Variants in COL14A1 observed in about 807,000 individuals in gnomAD.
The protein encoded by COL14A1 is collagen type XIV alpha 1 chain.
In COL14A1, 136 loss-of-function variants were observed where a neutral mutation model predicts 230.3. The observed-to-expected ratio is 0.59, with a 90% CI of 0.51 to 0.68. The LOEUF is 0.68. COL14A1 is among the 30% of genes least tolerant of loss of function. The pLI is 0.00. For synonymous variants in COL14A1, 792 were observed against 784.1 expected, an observed-to-expected ratio of 1.01 and a Z score of -0.17; for missense variants, 1,976 against 2,215.8, an observed-to-expected ratio of 0.89 and a Z score of 2.17.
intron 3 of COL14A1, among the ~76,000 whole-genome samples, chr8:120,159,721 G>A (rs778063767): frequency 2.0e-5 from 3 of 151,824 alleles, no homozygotes; most frequent in Non-Finnish European, 4.4e-5. Flanking sequence ...ACTGAGTTTC[G>A]CTCTTTGTTG....
At chr8:120,295,391 C>T (rs528267178) in intron 34 of COL14A1, among the ~76,000 whole-genome samples, 50 of 151,692 alleles carry the variant, frequency 3.3e-4, no homozygotes, top group African/African-American at 8.5e-4. Flanking sequence ...TTTTCTTCCC[C>T]GGTCCTATTC....
At chr8:120,316,242 C>T (rs1418590232) in intron 40 of COL14A1, among the ~76,000 whole-genome samples, 1 of 152,184 alleles carries the variant, frequency 6.6e-6, no homozygotes, top group African/African-American at 2.4e-5. Flanking sequence ...TTTCCGAGTG[C>T]TCCCATGACC....
At chr8:120,316,043 TCA>T (rs1374044309) in intron 40 of COL14A1, 46 bp downstream of exon 40, 1 of 1,589,682 alleles carries the variant, frequency 6.3e-7, no homozygotes, top group East Asian at 2.2e-5. Context: ...AGTGACCTTT[TCA>T]CCAGGTCACT....
At position 120,369,491 on chromosome 8, in the gene COL14A1, T is replaced by TGAGAG; in HGVS notation, c.5311+7_5311+8insAGAGG. 2 of 1,545,446 alleles carry TGAGAG rather than the reference T, an allele frequency of 1.3e-6. No homozygotes were observed. Among genetic ancestry groups the TGAGAG allele is most frequent in the Non-Finnish European group, 1.8e-6 (2 of 1,142,620 alleles). ...TTCTGCCTATGGTGTGAGAGGTAAG[T>TGAGAG]GTCACAAAAAGCCCCGCTTGTGGGC... On this transcript the variant is annotated splice_region_variant and intron_variant, in intron 47 of 47. Coordinates refer to ENST00000297848, the MANE Select transcript of COL14A1 (RefSeq NM_021110.4).
At position 120,348,724 on chromosome 8, in the gene COL14A1, T is replaced by C. The variant is rs370810461; in HGVS notation, c.5077+3161T>C. 2.3e-4 allele frequency among the ~76,000 whole-genome samples: 35 copies of C among 152,288 alleles called. No homozygotes were observed. The East Asian group carries it at 4.8e-3, about 21-fold the overall frequency. On this transcript the variant is annotated intron_variant, in intron 45 of 47. Transcript: ENST00000297848. Reference sequence around the variant, plus strand: ...TCACAACTCCATTCAGTTTGGATAGTTTTTCATCAGAAGTGCCCACTCTAA... The same window carrying C: ...TCACAACTCCATTCAGTTTGGATAGCTTTTCATCAGAAGTGCCCACTCTAA...
At chr8:120,246,482 A>G (rs1324013936) in intron 20 of COL14A1, among the ~76,000 whole-genome samples, 1 of 147,880 alleles carries the variant, frequency 6.8e-6, no homozygotes, top group Non-Finnish European at 1.5e-5. Context: ...CTGCTAAATA[A>G]ATGTTTGAAA....
chr8:120,169,554 TA>T (rs1458925851), intron 5 of COL14A1, among the ~76,000 whole-genome samples: 10 of 152,198 alleles, frequency 6.6e-5, no homozygotes, highest in African/African-American at 2.4e-4. Flanking sequence ...AATGAACACA[TA>T]AAAACTTTCT....
intron 32 of COL14A1, among the ~76,000 whole-genome samples, chr8:120,284,897 A>G (rs1820146795): frequency 6.6e-6 from 1 of 152,200 alleles, no homozygotes; most frequent in Non-Finnish European, 1.5e-5. Flanking sequence ...AATGCTTTGT[A>G]TGCATATATT....
At chr8:120,208,927 T>A (rs1817532912) in intron 11 of COL14A1, among the ~76,000 whole-genome samples, 1 of 152,156 alleles carries the variant, frequency 6.6e-6, no homozygotes, top group Non-Finnish European at 1.5e-5. Context: ...CATCTTATAG[T>A]CATTTCTAAT....
At chr8:120,223,848 T>C (rs13277399) in intron 14 of COL14A1, among the ~76,000 whole-genome samples, 97,778 of 151,572 alleles carry the variant, frequency 0.65, 31,802 homozygotes, top group East Asian at 0.85. Context: ...TAAGTCCTTG[T>C]GAGGATTAAA....
Position 120,373,004 on chromosome 8 carries a change from C to T in COL14A1, c.*1773C>T, listed in dbSNP as rs974026699. ...CTAAGGCTCATCAAGATGGCCTGAC[C>T]CAGAGTCACCTAAGAGAACTCTTCC... On this transcript the variant is annotated 3_prime_UTR_variant, in exon 48 of 48. Transcript: ENST00000297848. Among the ~76,000 whole-genome samples the T allele has an allele frequency of 1.3e-5, 2 of 152,086 alleles. No homozygotes were observed. Among genetic ancestry groups the T allele is most frequent in the African/African-American group, 2.4e-5 (1 of 41,402 alleles).
intron 35 of COL14A1, among the ~76,000 whole-genome samples, chr8:120,298,637 A>T (rs1481449106): frequency 8.2e-6 from 1 of 122,342 alleles, no homozygotes; most frequent in Admixed American, 8.1e-5. Context: ...ATATATATAT[A>T]TACAAAAATA....
At chr8:120,313,502 C>T (rs1365747020) in intron 37 of COL14A1, among the ~76,000 whole-genome samples, 1 of 152,136 alleles carries the variant, frequency 6.6e-6, no homozygotes, top group Non-Finnish European at 1.5e-5. Context: ...TCAATAAATG[C>T]AGAGGAGTCC....
chr8:120,213,421 A>T (rs1334526538), intron 13 of COL14A1, among the ~76,000 whole-genome samples: 3 of 152,180 alleles, frequency 2.0e-5, no homozygotes, highest in Admixed American at 2.0e-4. Flanking sequence ...TCTCATTAAG[A>T]TTCCATTTGG....
At chr8:120,366,527 T>A (rs1823411262) in intron 45 of COL14A1, among the ~76,000 whole-genome samples, 1 of 152,238 alleles carries the variant, frequency 6.6e-6, no homozygotes, top group African/African-American at 2.4e-5. Flanking sequence ...CCTGTTTAGA[T>A]AATGAGGTGT....
chr8:120,292,575 G>A (rs1820405514), intron 34 of COL14A1, among the ~76,000 whole-genome samples: 1 of 152,050 alleles, frequency 6.6e-6, no homozygotes, highest in Non-Finnish European at 1.5e-5. Context: ...TCAGTACAAG[G>A]TAAGAGAAGT....
chr8:120,292,016 A>G (rs1028844309), intron 34 of COL14A1, among the ~76,000 whole-genome samples: 19 of 152,174 alleles, frequency 1.2e-4, no homozygotes, highest in South Asian at 2.1e-4. Flanking sequence ...AAATTGTATT[A>G]TATCTTTTCT....
At chr8:120,280,794 C>A (rs1390775519) in intron 30 of COL14A1, 45 bp downstream of exon 30, 2 of 1,583,940 alleles carry the variant, frequency 1.3e-6, no homozygotes, top group Non-Finnish European at 8.6e-7. Context: ...ATATTACAGG[C>A]CTCTCAATTG....
At chr8:120,370,238 A>T in intron 47 of COL14A1, 1 of 1,257,134 alleles carries the variant, frequency 8.0e-7, no homozygotes, top group Non-Finnish European at 1.1e-6. Context: ...ATTTAACCTT[A>T]GTTATCACAG....
Sources: gnomAD v4.1 joint callset for allele counts (sites outside exome capture counted in the v4.1 genomes callset) on GRCh38, gnomAD v4.1.1 for gene constraint, MANE v1.5 for transcripts, NCBI Gene and HGNC (gene_info 2026-07-23, HGNC 2026-07-21) for gene names.